RYR3: variants seen among roughly 807,000 people sequenced by gnomAD.
The protein encoded by RYR3 is brain ryanodine receptor-calcium release channel.
RYR3 carries 207 observed loss-of-function variants against 584.3 expected under a neutral mutation model. That is an observed-to-expected ratio of 0.35 (90% CI 0.32 to 0.40). The LOEUF (loss-of-function observed/expected upper bound fraction) is 0.40, where lower values mean the gene tolerates loss of function less well. Among genes scored for constraint, RYR3 ranks in the 10% least tolerant of loss-of-function variants. RYR3 has a pLI of 1.00. For synonymous variants in RYR3, 2,416 were observed against 2,248.5 expected (o/e 1.07, Z -2.11); for missense variants, 5,616 against 6,089.2 (o/e 0.92, Z 2.59).
Position 33,500,278 on chromosome 15 carries a change from C to G in RYR3, c.172-3353C>G, listed in dbSNP as rs116732913. On this transcript the variant is annotated intron_variant, in intron 2 of 103. Coordinates refer to ENST00000634891, the MANE Select transcript of RYR3 (RefSeq NM_001036.6). The stretch of plus-strand genomic sequence containing the variant: ...GTAATTAACTCCCTACCTCATTTCC[C>G]TGAGGGCTTGGCTAGTGTATGCTAG... 2.3e-3 allele frequency among the ~76,000 whole-genome samples: 343 copies of G among 152,312 alleles called. 1 individual carries two copies. The highest frequency in any genetic ancestry group is 7.8e-3 in the African/African-American group (326 of 41,562).
intron 89 of RYR3, among the ~76,000 whole-genome samples, chr15:33,839,433 C>A (rs890904532): frequency 2.6e-5 from 4 of 152,196 alleles, no homozygotes; most frequent in African/African-American, 4.8e-5. Context: ...GATACACTCA[C>A]TGTTCAGTTA....
chr15:33,787,504 A>G (rs567295200), intron 66 of RYR3, among the ~76,000 whole-genome samples: 2 of 150,208 alleles, frequency 1.3e-5, no homozygotes, highest in Admixed American at 6.6e-5. Flanking sequence ...TTTTCTTACA[A>G]TTACTCTGGT....
chr15:33,586,175 G>T lies in RYR3; in HGVS notation c.1788+59G>T. The T allele has an allele frequency of 3.1e-6, 3 of 981,866 alleles. No homozygotes were observed. The South Asian group carries it at 3.9e-5, about 13-fold the overall frequency. 60.8% of individuals were successfully genotyped at this position (981,866 alleles called of 1,614,324 possible). On this transcript the variant is annotated intron_variant, in intron 16 of 103. Transcript: ENST00000634891. ...TGGTGTTTCCCTCCCCAATGTTCAT[G>T]ACCATTGTGTTTTACTGAGAGCATG...
intron 1 of RYR3, among the ~76,000 whole-genome samples, chr15:33,361,628 C>G (rs959153875): frequency 6.6e-6 from 1 of 152,152 alleles, no homozygotes; most frequent in Admixed American, 6.5e-5. Flanking sequence ...AAATAAGCAG[C>G]AGAAAGGACT....
intron 3 of RYR3, 45 bp downstream of exon 3, chr15:33,503,783 C>T (rs370787404): frequency 2.0e-5 from 23 of 1,133,534 alleles, no homozygotes; most frequent in Non-Finnish European, 2.8e-5. Flanking sequence ...GGGTGCACCA[C>T]ATCCCCAAAA....
chr15:33,343,645 T>A (rs1412814848), intron 1 of RYR3, among the ~76,000 whole-genome samples: 1 of 152,236 alleles, frequency 6.6e-6, no homozygotes, highest in Non-Finnish European at 1.5e-5. Context: ...AAACACTTCT[T>A]TTCCTTCAGC....
At chr15:33,402,300 C>T (rs1020497084) in intron 1 of RYR3, among the ~76,000 whole-genome samples, 2 of 152,106 alleles carry the variant, frequency 1.3e-5, no homozygotes, top group Non-Finnish European at 2.9e-5. Context: ...TAACAATTTA[C>T]AGGTTACAGA....
intron 43 of RYR3, among the ~76,000 whole-genome samples, chr15:33,712,625 G>C (rs1193005159): frequency 1.3e-5 from 2 of 152,146 alleles, no homozygotes; most frequent in Non-Finnish European, 2.9e-5. Context: ...CTTCACAGTA[G>C]GTTGCCACAG....
chr15:33,475,070 GT>G (rs910528071), intron 2 of RYR3, among the ~76,000 whole-genome samples: 4 of 151,942 alleles, frequency 2.6e-5, no homozygotes, highest in Non-Finnish European at 5.9e-5. Flanking sequence ...GCTTTGTTTT[GT>G]TTTTCATTCC....
At chr15:33,474,909 GA>G (rs1405919576) in intron 2 of RYR3, among the ~76,000 whole-genome samples, 2 of 152,124 alleles carry the variant, frequency 1.3e-5, no homozygotes, top group Non-Finnish European at 2.9e-5. Context: ...GATCCATAAG[GA>G]TAGACATGAA....
chr15:33,311,137 G>C lies in RYR3; in HGVS notation c.51+41G>C. 2.0e-6 allele frequency: 3 copies of C among 1,483,476 alleles called. No individual in the cohort carries two copies. The highest frequency in any genetic ancestry group is 1.8e-6 in the Non-Finnish European group (2 of 1,099,888). The allele number at this position is 1,483,476 out of a possible 1,614,324, so 91.9% of individuals were successfully genotyped here. On this transcript the variant is annotated intron_variant, in intron 1 of 103. Transcript: ENST00000634891. The surrounding 1 kb of genome is among the most constrained non-coding windows in gnomAD (Gnocchi z 4.4). The stretch of plus-strand genomic sequence containing the variant: ...GGGGGCGAGGCCGTGGGCAGGTGGG[G>C]AGGAGCGCGGAGCGCGGCGAGGAGG...
At chr15:33,645,791 G>C (rs1037894286) in intron 28 of RYR3, among the ~76,000 whole-genome samples, 1 of 152,056 alleles carries the variant, frequency 6.6e-6, no homozygotes, top group Non-Finnish European at 1.5e-5. Flanking sequence ...TGCAATGCTT[G>C]TGCCTAGGAA....
chr15:33,539,186 G>A (rs1279885561), intron 5 of RYR3, 164 bp from the exon 6 acceptor site: 4 of 549,652 alleles, frequency 7.3e-6, no homozygotes, highest in Admixed American at 3.1e-5. Flanking sequence ...AAGAGCAGAT[G>A]GGGGGCTGTC....
chr15:33,454,368 G>A (rs1300782150), intron 1 of RYR3, among the ~76,000 whole-genome samples: 1 of 152,148 alleles, frequency 6.6e-6, no homozygotes. Flanking sequence ...CCATACAGTA[G>A]CCTGGGCTAA....
intron 1 of RYR3, among the ~76,000 whole-genome samples, chr15:33,448,626 C>A (rs749219393): frequency 6.6e-6 from 1 of 152,242 alleles, no homozygotes; most frequent in South Asian, 2.1e-4. Context: ...TGATGAGGGC[C>A]TTTTGCTGCT....
chr15:33,437,226 A>G (rs751509711), intron 1 of RYR3, among the ~76,000 whole-genome samples: 17 of 152,124 alleles, frequency 1.1e-4, no homozygotes, highest in Non-Finnish European at 1.8e-4. Flanking sequence ...TGTCTCATGC[A>G]ATAAGTGGTC....
intron 81 of RYR3, among the ~76,000 whole-genome samples, chr15:33,824,244 C>T (rs550309533): frequency 6.6e-6 from 1 of 152,290 alleles, no homozygotes; most frequent in Admixed American, 6.5e-5. Context: ...ATAATGACAG[C>T]TTGGAGAGAC....
intron 1 of RYR3, among the ~76,000 whole-genome samples, chr15:33,322,237 C>T (rs939362657): frequency 3.9e-5 from 6 of 152,160 alleles, no homozygotes; most frequent in Non-Finnish European, 8.8e-5. Flanking sequence ...CATGGCTCTG[C>T]GGGCTGCCCA....
chr15:33,724,099 G>C lies in RYR3; in HGVS notation c.6835G>C (p.Val2279Leu), dbSNP rs41279210. 1 of 1,611,816 alleles carries C rather than the reference G, an allele frequency of 6.2e-7. No individual in the cohort carries two copies. The highest frequency in any genetic ancestry group is 8.5e-7 in the Non-Finnish European group (1 of 1,178,164). The change falls in exon 45 of 104, where the codon GTG (valine) becomes CTG (leucine). Residue 2279 changes from valine (V) to leucine (L), a missense_variant. By Grantham distance (32) the Val-to-Leu change is conservative. Transcript: ENST00000634891. ...GGACGATGAAGAGGAAGAAGAAATC[G>C]TGCATATGGGCAATGCAATTATGTC... ...TGDDEEEEEIVHMGNAIMSFY... is the reference protein window; with the variant it reads ...TGDDEEEEEILHMGNAIMSFY...
Sources: allele counts gnomAD v4.1 joint callset (sites outside exome capture counted in the v4.1 genomes callset), GRCh38; gene constraint gnomAD v4.1.1; non-coding constraint Gnocchi (gnomAD v3.1); transcripts MANE v1.5; gene names NCBI Gene and HGNC (gene_info 2026-07-23, HGNC 2026-07-21).